NWD1: variants seen among roughly 807,000 people sequenced by gnomAD.
The protein encoded by NWD1 is NACHT and WD repeat domain containing 1, also known as NACHT domain- and WD repeat-containing protein 1.
In NWD1, 129 loss-of-function variants were observed where a neutral mutation model predicts 135.1. The observed-to-expected ratio is 0.96, with a 90% CI of 0.83 to 1.11. The LOEUF (loss-of-function observed/expected upper bound fraction) is 1.11, where lower values mean the gene tolerates loss of function less well. Among genes scored for constraint, NWD1 ranks in the 50% least tolerant of loss-of-function variants. The pLI is 0.00. For missense variants in NWD1, 1,740 were observed against 1,851.3 expected, an observed-to-expected ratio of 0.94 and a Z score of 1.10; for synonymous variants, 773 against 786.0, an observed-to-expected ratio of 0.98 and a Z score of 0.28.
chr19:16,810,469 A>AACACC (rs1221914060), intron 18 of NWD1, among the ~76,000 whole-genome samples: 1 of 148,930 alleles, frequency 6.7e-6, no homozygotes, highest in Non-Finnish European at 1.5e-5. Context: ...AAAGAAAAAG[A>AACACC]AGGCCTTGTA....
At chr19:16,814,058 T>A (rs1420646117) in intron 18 of NWD1, among the ~76,000 whole-genome samples, 1 of 151,920 alleles carries the variant, frequency 6.6e-6, no homozygotes, top group African/African-American at 2.4e-5. Context: ...CTCAGGAGGA[T>A]AAAGTGATCA....
intron 13 of NWD1, among the ~76,000 whole-genome samples, chr19:16,790,930 T>G (rs906438559): frequency 2.0e-5 from 3 of 151,656 alleles, no homozygotes; most frequent in South Asian, 2.1e-4. Context: ...GAATTGGGAG[T>G]GTTAAAAATA....
intron 1 of NWD1, among the ~76,000 whole-genome samples, chr19:16,721,930 G>A (rs949973005): frequency 3.9e-5 from 6 of 151,976 alleles, no homozygotes; most frequent in Admixed American, 6.6e-5. Flanking sequence ...GAGCAACACA[G>A]TGAGACTCCC....
intron 18 of NWD1, 133 bp from the exon 19 acceptor site, chr19:16,814,895 A>T: frequency 1.4e-6 from 1 of 710,246 alleles, no homozygotes; most frequent in Non-Finnish European, 2.4e-6. Flanking sequence ...ACTCTTTGGC[A>T]TAATAAATGT....
At position 16,815,617 on chromosome 19, in the gene NWD1, C is replaced by T. The variant is rs1971047311; in HGVS notation, c.*578C>T. 2.8e-6 allele frequency: 1 copy of T among 362,452 alleles called. No homozygotes were observed. The highest frequency in any genetic ancestry group is 2.1e-5 in the African/African-American group (1 of 47,586). The allele number at this position is 362,452 out of a possible 1,614,324, so 22.5% of individuals were successfully genotyped here. A position where few individuals can be genotyped will look rare whatever the true frequency, so the allele number is the denominator to read the frequency against. On this transcript the variant is annotated 3_prime_UTR_variant, in exon 19 of 19. Coordinates refer to ENST00000524140, the MANE Select transcript of NWD1 (RefSeq NM_001007525.5). ...TCTTTCCCAACAGTCCTAGCCTCAA[C>T]TCTACTGGTCCCAATTGGCCCATAC... is the stretch of plus-strand genomic sequence containing the variant.
intron 3 of NWD1, among the ~76,000 whole-genome samples, chr19:16,735,957 C>G (rs1364639975): frequency 2.4e-5 from 3 of 127,490 alleles, no homozygotes; most frequent in Non-Finnish European, 3.5e-5. Context: ...TAGCAGGACT[C>G]CAACTCAAAA....
rs1009219921 is a variant in NWD1 at position 16,741,194 on chromosome 19, C to A, written c.199-3227C>A. Among the ~76,000 whole-genome samples the A allele has an allele frequency of 2.0e-5, 3 of 151,988 alleles. No homozygotes were observed. The South Asian group carries it at 6.2e-4, about 32-fold the overall frequency. ...AAAAGGGGGAGGGGACAGCCTTATCCCCCTTCGCTGTCCCTCTTCTTGCCA... is the reference window on the plus strand; with the variant it reads ...AAAAGGGGGAGGGGACAGCCTTATCACCCTTCGCTGTCCCTCTTCTTGCCA... On this transcript the variant is annotated intron_variant, in intron 4 of 18. Coordinates refer to ENST00000524140, the MANE Select transcript of NWD1 (RefSeq NM_001007525.5).
Position 16,810,437 on chromosome 19 carries a change from C to CAAAAA in NWD1, c.4287+2317_4287+2321dup, listed in dbSNP as rs529841524. Among the ~76,000 whole-genome samples the CAAAAA allele has an allele frequency of 3.9e-4, 26 of 66,116 alleles. 1 individual carries two copies. The highest frequency in any genetic ancestry group is 9.2e-4 in the African/African-American group (17 of 18,386). 43.4% of individuals were successfully genotyped at this position (66,116 alleles called of 152,430 possible). ...TGGGCGACAGAGTGAGACTCCATCT[C>CAAAAA]AAAAAAAAAAAAAAAAAAAAGAAAG... On this transcript the variant is annotated intron_variant, in intron 18 of 18. Coordinates refer to ENST00000524140, the MANE Select transcript of NWD1 (RefSeq NM_001007525.5).
intron 2 of NWD1, among the ~76,000 whole-genome samples, chr19:16,730,298 G>A (rs537234781): frequency 4.6e-5 from 7 of 152,144 alleles, no homozygotes; most frequent in African/African-American, 1.7e-4. Context: ...CTCCAGCCTG[G>A]TGACAGAGTA....
At chr19:16,731,041 C>T (rs953857321) in intron 2 of NWD1, 151 bp from the exon 3 acceptor site, 10 of 497,686 alleles carry the variant, frequency 2.0e-5, no homozygotes, top group African/African-American at 1.0e-4. Flanking sequence ...GCCAGGAACT[C>T]GAGACCAGCC....
intron 2 of NWD1, chr19:16,727,477 G>A (rs1346219613): frequency 2.0e-5 from 3 of 152,682 alleles, no homozygotes; most frequent in African/African-American, 7.2e-5. Flanking sequence ...CTACCAGGAA[G>A]GCTGCCTGGC....
intron 6 of NWD1, among the ~76,000 whole-genome samples, chr19:16,758,818 A>G (rs950092063): frequency 4.6e-5 from 7 of 151,776 alleles, no homozygotes; most frequent in Non-Finnish European, 8.8e-5. Context: ...GACCAGCTTG[A>G]CTAACATGGT....
intron 10 of NWD1, among the ~76,000 whole-genome samples, chr19:16,765,737 G>A (rs1053605720): frequency 2.0e-5 from 3 of 152,038 alleles, no homozygotes; most frequent in African/African-American, 7.2e-5. Flanking sequence ...TGCCAGGTAG[G>A]GCTGGGCGCA....
chr19:16,782,987 C>T (rs1027879285), intron 12 of NWD1, among the ~76,000 whole-genome samples: 9 of 146,706 alleles, frequency 6.1e-5, no homozygotes, highest in Non-Finnish European at 1.3e-4. Context: ...CTCCCTCCCT[C>T]CCTCCTTTCT....
At chr19:16,730,339 A>AAAAC (rs1024380814) in intron 2 of NWD1, among the ~76,000 whole-genome samples, 2 of 151,876 alleles carry the variant, frequency 1.3e-5, no homozygotes, top group African/African-American at 2.4e-5. Flanking sequence ...AACTAACAAA[A>AAAAC]AAACAAAAAA....
intron 6 of NWD1, among the ~76,000 whole-genome samples, chr19:16,756,641 T>C (rs1368127369): frequency 6.6e-6 from 1 of 152,214 alleles, no homozygotes; most frequent in Non-Finnish European, 1.5e-5. Flanking sequence ...CATCTGCCTG[T>C]CTATCATGCT....
At position 16,750,208 on chromosome 19, in the gene NWD1, G is replaced by C; in HGVS notation, c.1566G>C (p.Leu522Phe). ...CGCTGAGCCCGGTGCACACAGATTT[G>C]CTCTGGGCCAGCCTCCCAGAGTGTG... ...RRTLSPVHTDLLWASLPECGN... is the reference protein window; with the variant it reads ...RRTLSPVHTDFLWASLPECGN... Residue 522 changes from leucine (L) to phenylalanine (F), a missense_variant, in exon 6 of 19, where the codon TTG becomes TTC. Leu to Phe is a conservative substitution (Grantham distance 22, BLOSUM62 0). Transcript: ENST00000524140. The C allele has an allele frequency of 6.2e-7, 1 of 1,613,384 alleles. No individual in the cohort carries two copies. Among genetic ancestry groups the C allele is most frequent in the Non-Finnish European group, 8.5e-7 (1 of 1,179,736 alleles).
intron 12 of NWD1, among the ~76,000 whole-genome samples, chr19:16,780,263 C>T (rs1247630151): frequency 1.3e-5 from 2 of 151,798 alleles, no homozygotes; most frequent in African/African-American, 2.4e-5. Context: ...TCACGCCATT[C>T]TCCTGCCTCA....
At chr19:16,792,876 C>CAAAAA (rs1189102088) in intron 14 of NWD1, among the ~76,000 whole-genome samples, 9 of 51,844 alleles carry the variant, frequency 1.7e-4, no homozygotes, top group East Asian at 6.0e-4. Context: ...AACTCCATCT[C>CAAAAA]AAAAAAAAAA....
Sources: allele counts gnomAD v4.1 joint callset (sites outside exome capture counted in the v4.1 genomes callset), GRCh38; gene constraint gnomAD v4.1.1; transcripts MANE v1.5; gene names NCBI Gene and HGNC (gene_info 2026-07-23, HGNC 2026-07-21).